Variants in C20orf203 observed in about 807,000 individuals in gnomAD.
The protein encoded by C20orf203 is chromosome 20 open reading frame 203.
C20orf203 carries 16 observed loss-of-function variants against 15.9 expected under a neutral mutation model. The observed-to-expected ratio is 1.01, with a 90% CI of 0.68 to 1.53. C20orf203 has a LOEUF of 1.53. C20orf203 is among the 40% of genes most tolerant of loss of function. The probability of loss-of-function intolerance (pLI) is 0.00; values close to 1 mark genes in which losing one functional copy is unlikely to be tolerated. For synonymous variants in C20orf203, 98 were observed against 97.2 expected (o/e 1.01, Z -0.05); for missense variants, 263 against 247.5 (o/e 1.06, Z -0.42).
intron 5 of C20orf203, among the ~76,000 whole-genome samples, chr20:32,634,503 G>A (rs770973579): frequency 6.6e-6 from 1 of 152,166 alleles, no homozygotes; most frequent in Non-Finnish European, 1.5e-5. Flanking sequence ...AGAATTTCAT[G>A]TCCAGAAATT....
chr20:32,639,876 G>C (rs1982234623), intron 5 of C20orf203, among the ~76,000 whole-genome samples: 1 of 152,130 alleles, frequency 6.6e-6, no homozygotes, highest in Non-Finnish European at 1.5e-5. Flanking sequence ...CTCCACTCTG[G>C]CACACACGTA....
chr20:32,636,288 G>A (rs1283578059), intron 5 of C20orf203, among the ~76,000 whole-genome samples: 3 of 152,162 alleles, frequency 2.0e-5, no homozygotes, highest in Non-Finnish European at 4.4e-5. Context: ...AACACCCTTC[G>A]CTTAGATTTG....
chr20:32,633,956 C>T lies in C20orf203; in HGVS notation c.*1614G>A, dbSNP rs539814609. The T allele has an allele frequency of 8.3e-5, 33 of 398,540 alleles. No homozygotes were observed. In the South Asian group the frequency reaches 4.3e-3, roughly 52 times the overall value. 24.7% of individuals were successfully genotyped at this position (398,540 alleles called of 1,614,324 possible). The stretch of plus-strand genomic sequence containing the variant: ...CCTGATGCCTGAGCTTCAGCTTCCC[C>T]ACTCCGGACTGTTTCATGCGTTCAT... On this transcript the variant is annotated 3_prime_UTR_variant, in exon 6 of 6. Transcript: ENST00000608990.
intron 4 of C20orf203, among the ~76,000 whole-genome samples, chr20:32,640,964 A>G (rs1195480912): frequency 3.3e-5 from 5 of 152,218 alleles, no homozygotes; most frequent in African/African-American, 1.2e-4. Context: ...AGCATGGATC[A>G]GTATTTTATT....
intron 4 of C20orf203, among the ~76,000 whole-genome samples, chr20:32,645,168 C>T (rs1982389966): frequency 6.6e-6 from 1 of 152,088 alleles, no homozygotes; most frequent in South Asian, 2.1e-4. Context: ...GTTTGTCGCT[C>T]GATGTCCTGG....
In C20orf203 at chr20:32,650,493, G is replaced by A. The variant is rs1982578079; in HGVS notation, c.524C>T (p.Pro175Leu). 6.4e-7 allele frequency: 1 copy of A among 1,550,614 alleles called. No homozygotes were observed. Among genetic ancestry groups the A allele is most frequent in the Non-Finnish European group, 8.7e-7 (1 of 1,146,992 alleles). The change falls in exon 4 of 6, where the codon CCT becomes CTT. Residue 175 changes from proline (P) to leucine (L), a missense_variant. Pro to Leu is a moderately conservative substitution (Grantham distance 98). Transcript: ENST00000608990. Reference sequence around the variant, plus strand: ...CTGCTGCTTGCTAATTAAAGGTGCAGGCAACTTGCCTGGCAAGGATGGGAG... The same window carrying A: ...CTGCTGCTTGCTAATTAAAGGTGCAAGCAACTTGCCTGGCAAGGATGGGAG... ...FCLPSLPGKL[P>L]APLISKQQFL...
At chr20:32,661,304 T>C (rs1268279438) in intron 1 of C20orf203, among the ~76,000 whole-genome samples, 1 of 152,152 alleles carries the variant, frequency 6.6e-6, no homozygotes, top group African/African-American at 2.4e-5. Flanking sequence ...ACAAAGCTCA[T>C]GACAGCAGGG....
chr20:32,645,273 A>T (rs763554611), intron 4 of C20orf203, among the ~76,000 whole-genome samples: 2 of 152,222 alleles, frequency 1.3e-5, no homozygotes, highest in African/African-American at 2.4e-5. Flanking sequence ...GCCAAAGGCC[A>T]TGCCTAAGTC....
At position 32,634,067 on chromosome 20, in the gene C20orf203, C is replaced by T. The variant is rs376243150; in HGVS notation, c.*1503G>A. Reference sequence around the variant, plus strand: ...AGTTCTACCCCGGTGTTGGGAATTCCGAGATGAATCCAGCCTGAGCTTTGT... The same window carrying T: ...AGTTCTACCCCGGTGTTGGGAATTCTGAGATGAATCCAGCCTGAGCTTTGT... On this transcript the variant is annotated 3_prime_UTR_variant, in exon 6 of 6. Coordinates refer to ENST00000608990, the MANE Select transcript of C20orf203 (RefSeq NM_182584.4). 7 of 398,436 alleles carry T rather than the reference C, an allele frequency of 1.8e-5. No homozygotes were observed. Among genetic ancestry groups the T allele is most frequent in the Non-Finnish European group, 2.7e-5 (6 of 226,108 alleles). The allele number at this position is 398,436 out of a possible 1,614,324, so 24.7% of individuals were successfully genotyped here.
Position 32,633,983 on chromosome 20 carries a change from C to A in C20orf203, c.*1587G>T. 2.5e-6 allele frequency: 1 copy of A among 398,654 alleles called. No homozygotes were observed. The highest frequency in any genetic ancestry group is 1.3e-4 in the South Asian group (1 of 7,832). The allele number at this position is 398,654 out of a possible 1,614,324, so 24.7% of individuals were successfully genotyped here. On this transcript the variant is annotated 3_prime_UTR_variant, in exon 6 of 6. Coordinates refer to ENST00000608990, the MANE Select transcript of C20orf203 (RefSeq NM_182584.4). The stretch of plus-strand genomic sequence containing the variant: ...CTCCGGACTGTTTCATGCGTTCATT[C>A]ATGTGTCCAACTCTTCACTCCTTTC...
At chr20:32,666,155 T>TAAAAAA (rs147487671) in intron 1 of C20orf203, among the ~76,000 whole-genome samples, 30 of 102,708 alleles carry the variant, frequency 2.9e-4, no homozygotes, top group East Asian at 4.5e-4. Context: ...ATAAATAAAG[T>TAAAAAA]AAAAAAAAAA....
At chr20:32,668,176 G>A (rs1182039139) in intron 1 of C20orf203, among the ~76,000 whole-genome samples, 3 of 152,210 alleles carry the variant, frequency 2.0e-5, no homozygotes, top group Admixed American at 6.5e-5. Flanking sequence ...AAATGGGTCT[G>A]TAAGAGTGGT....
At chr20:32,655,714 A>G (rs1255668584) in intron 1 of C20orf203, among the ~76,000 whole-genome samples, 1 of 152,120 alleles carries the variant, frequency 6.6e-6, no homozygotes, top group African/African-American at 2.4e-5. Flanking sequence ...AATCACTTGA[A>G]CCCAGGAGGT....
At chr20:32,660,464 G>A (rs564327862) in intron 1 of C20orf203, among the ~76,000 whole-genome samples, 15 of 152,210 alleles carry the variant, frequency 9.9e-5, no homozygotes, top group South Asian at 2.1e-4. Context: ...GAGAGGCCAC[G>A]CTGCTGCCGA....
intron 4 of C20orf203, among the ~76,000 whole-genome samples, chr20:32,647,832 G>C (rs1415212450): frequency 6.6e-6 from 1 of 152,188 alleles, no homozygotes; most frequent in Non-Finnish European, 1.5e-5. Context: ...TGGAGTGCAG[G>C]AGTGTTGGTC....
intron 1 of C20orf203, among the ~76,000 whole-genome samples, chr20:32,666,155 TAAAAA>T (rs147487671): frequency 2.7e-4 from 28 of 102,742 alleles, no homozygotes; most frequent in African/African-American, 8.6e-4. Context: ...ATAAATAAAG[TAAAAA>T]AAAAAAAAAA....
At chr20:32,663,730 A>G (rs1281839639) in intron 1 of C20orf203, among the ~76,000 whole-genome samples, 1 of 152,214 alleles carries the variant, frequency 6.6e-6, no homozygotes, top group African/African-American at 2.4e-5. Context: ...CATCCCCTCC[A>G]CAGCCAGGAT....
At position 32,633,743 on chromosome 20, in the gene C20orf203, G is replaced by A. The variant is rs555811879; in HGVS notation, c.*1827C>T. ...AGGTCCTTGTCTGTAACCTGGTGGT[G>A]CCTCCTGCCTCTGACTCCTCCGGCC... On this transcript the variant is annotated 3_prime_UTR_variant, in exon 6 of 6. Coordinates refer to ENST00000608990, the MANE Select transcript of C20orf203 (RefSeq NM_182584.4). 6.0e-6 allele frequency: 2 copies of A among 333,290 alleles called. No homozygotes were observed. The highest frequency in any genetic ancestry group is 1.1e-5 in the Non-Finnish European group (2 of 184,966). The allele number at this position is 333,290 out of a possible 1,614,324, so 20.6% of individuals were successfully genotyped here. A position where few individuals can be genotyped will look rare whatever the true frequency, so the allele number is the denominator to read the frequency against.
chr20:32,673,328 T>C (rs995873298), intron 1 of C20orf203, among the ~76,000 whole-genome samples: 1 of 151,432 alleles, frequency 6.6e-6, no homozygotes, highest in Non-Finnish European at 1.5e-5. Flanking sequence ...TGGCCGGAGG[T>C]GTCTCAGCCC....
Sources: allele counts gnomAD v4.1 joint callset (sites outside exome capture counted in the v4.1 genomes callset), GRCh38; gene constraint gnomAD v4.1.1; transcripts MANE v1.5; gene names NCBI Gene and HGNC (gene_info 2026-07-23, HGNC 2026-07-21).